Variants in RBFOX3 observed in about 807,000 individuals in gnomAD.
The protein encoded by RBFOX3 is RNA binding protein fox-1 homolog 3.
A neutral mutation model predicts 48.7 loss-of-function variants in RBFOX3; 17 were observed. The observed-to-expected ratio is 0.35, with a 90% CI of 0.24 to 0.52. The LOEUF (loss-of-function observed/expected upper bound fraction) is 0.52. Among genes scored for constraint, RBFOX3 ranks in the 20% least tolerant of loss-of-function variants. The pLI is 0.94. For missense variants in RBFOX3, 382 were observed against 497.5 expected, an observed-to-expected ratio of 0.77 and a Z score of 2.21; for synonymous variants, 212 against 209.5, an observed-to-expected ratio of 1.01 and a Z score of -0.10.
At chr17:79,117,344 T>TG (rs1265609657) in intron 4 of RBFOX3, among the ~76,000 whole-genome samples, 7 of 152,166 alleles carry the variant, frequency 4.6e-5, no homozygotes, top group Non-Finnish European at 7.4e-5. Context: ...GGCTTTGCGG[T>TG]GGGGAGGAGG....
At chr17:79,620,171 A>G in the RBFOX3 span, among the ~76,000 whole-genome samples, 1 of 139,988 alleles carries the variant, frequency 7.1e-6, no homozygotes, top group African/African-American at 2.5e-5. Context: ...ACATGCACAC[A>G]CATGCACACA....
chr17:79,468,976 ATGGATGG>A (rs2076708688), intron 2 of RBFOX3, among the ~76,000 whole-genome samples: 1 of 150,788 alleles, frequency 6.6e-6, no homozygotes, highest in Admixed American at 6.6e-5. Flanking sequence ...GGATGGATGG[ATGGATGG>A]ATGGATAGCA....
At chr17:79,413,991 C>T (rs2064901185) in intron 2 of RBFOX3, among the ~76,000 whole-genome samples, 1 of 151,850 alleles carries the variant, frequency 6.6e-6, no homozygotes. Context: ...GTCTCAGGGG[C>T]AGCAGGGGCA....
At chr17:79,267,332 A>G (rs1054732340) in intron 3 of RBFOX3, among the ~76,000 whole-genome samples, 2 of 151,938 alleles carry the variant, frequency 1.3e-5, no homozygotes, top group African/African-American at 4.8e-5. Flanking sequence ...GATGATCTCC[A>G]AGTTCTGTCC....
At chr17:79,143,331 C>T (rs1161144490) in intron 4 of RBFOX3, among the ~76,000 whole-genome samples, 1 of 123,692 alleles carries the variant, frequency 8.1e-6, no homozygotes, top group Admixed American at 1.0e-4. Flanking sequence ...CCTGGATATT[C>T]TGGGGACAGT....
At chr17:79,496,268 A>G (rs2081524427) in intron 1 of RBFOX3, among the ~76,000 whole-genome samples, 1 of 151,958 alleles carries the variant, frequency 6.6e-6, no homozygotes, top group Non-Finnish European at 1.5e-5. Flanking sequence ...TGTTACAGCA[A>G]CAGGAATGAC....
At chr17:79,095,186 G>A (rs1397508049) in intron 13 of RBFOX3, among the ~76,000 whole-genome samples, 1 of 151,882 alleles carries the variant, frequency 6.6e-6, no homozygotes, top group Non-Finnish European at 1.5e-5. Context: ...GGTTGCTCCA[G>A]GAGGAAGCAC....
intron 2 of RBFOX3, among the ~76,000 whole-genome samples, chr17:79,460,789 G>A (rs117676604): frequency 2.0e-5 from 3 of 152,298 alleles, no homozygotes; most frequent in East Asian, 1.9e-4. Context: ...ACTTTCCACC[G>A]TGGGAGGATG....
In RBFOX3 at chr17:79,473,913, A is replaced by G. The variant is rs1281176335; in HGVS notation, c.-175+8541T>C. Among the ~76,000 whole-genome samples the G allele has an allele frequency of 1.3e-5, 2 of 152,176 alleles. No homozygotes were observed. Among genetic ancestry groups the G allele is most frequent in the African/African-American group, 4.8e-5 (2 of 41,434 alleles). ...ACTTCTAAATTAATTTTCCTTCCTC[A>G]GGCATTTGCTGACGCTCCTTTTCTG... is the stretch of plus-strand genomic sequence containing the variant. On this transcript the variant is annotated intron_variant, in intron 2 of 14. Coordinates refer to ENST00000693108, the MANE Select transcript of RBFOX3 (RefSeq NM_001350451.2). This position sits in a 1 kb window ranked among gnomAD's most constrained non-coding sequence, Gnocchi z 4.2.
chr17:79,657,950 G>A, the RBFOX3 span, among the ~76,000 whole-genome samples: 2 of 152,158 alleles, frequency 1.3e-5, no homozygotes, highest in Non-Finnish European at 2.9e-5. Context: ...GGCATCTTCA[G>A]GACAGAGTCC....
intron 3 of RBFOX3, among the ~76,000 whole-genome samples, chr17:79,268,501 C>T (rs1027156606): frequency 5.9e-5 from 9 of 152,136 alleles, no homozygotes; most frequent in African/African-American, 1.4e-4. Context: ...CGGGTGGGGA[C>T]GTCTCTTCTG....
rs527849192 is a variant in RBFOX3, at chr17:79,247,826, A to G, written c.-73-12021T>C. On this transcript the variant is annotated intron_variant, in intron 3 of 14. Transcript: ENST00000693108. ...CTGAGTCAAGCTGGGATGGTTGGTA[A>G]ACCTCCCATGGGTTACTCAACATCG... 7.2e-5 allele frequency among the ~76,000 whole-genome samples: 11 copies of G among 152,272 alleles called. No homozygotes were observed. The South Asian group carries it at 2.3e-3, about 32-fold the overall frequency.
At chr17:79,315,313 C>T (rs2077385380) in intron 2 of RBFOX3, among the ~76,000 whole-genome samples, 1 of 152,236 alleles carries the variant, frequency 6.6e-6, no homozygotes. Context: ...CTGCATCCTT[C>T]TCTCTGGGGA....
intron 1 of RBFOX3, among the ~76,000 whole-genome samples, chr17:79,579,341 A>G (rs1568429359): frequency 6.6e-6 from 1 of 152,258 alleles, no homozygotes; most frequent in Non-Finnish European, 1.5e-5. Context: ...AAAAGCCCAC[A>G]TGGGAGGCAA....
intron 1 of RBFOX3, among the ~76,000 whole-genome samples, chr17:79,566,047 C>T (rs1429383988): frequency 6.6e-6 from 1 of 152,202 alleles, no homozygotes; most frequent in South Asian, 2.1e-4. Context: ...ACGAAGCACT[C>T]TCACCAATCC....
At chr17:79,388,226 G>T (rs1337559019) in intron 2 of RBFOX3, among the ~76,000 whole-genome samples, 2 of 152,218 alleles carry the variant, frequency 1.3e-5, no homozygotes, top group Non-Finnish European at 2.9e-5. Flanking sequence ...TGCTCCATGG[G>T]CTGTGACTGG....
chr17:79,375,405 C>A (rs1334325996), intron 2 of RBFOX3, among the ~76,000 whole-genome samples: 1 of 110,294 alleles, frequency 9.1e-6, no homozygotes, highest in Non-Finnish European at 2.1e-5. Flanking sequence ...ACACACGAAG[C>A]TCTTCAGTGC....
At chr17:79,179,350 G>A (rs752017090) in intron 4 of RBFOX3, among the ~76,000 whole-genome samples, 28 of 152,322 alleles carry the variant, frequency 1.8e-4, no homozygotes, top group Non-Finnish European at 3.2e-4. Flanking sequence ...CCGTGAAGCC[G>A]CTCGGAAACG....
chr17:79,429,125 G>T (rs1321960196), intron 2 of RBFOX3, among the ~76,000 whole-genome samples: 1 of 152,204 alleles, frequency 6.6e-6, no homozygotes, highest in Non-Finnish European at 1.5e-5. Flanking sequence ...CACGTGCTGT[G>T]CACACGTGTG....
Sources: gnomAD v4.1 joint callset for allele counts (sites outside exome capture counted in the v4.1 genomes callset) on GRCh38, gnomAD v4.1.1 for gene constraint, Gnocchi (gnomAD v3.1) non-coding constraint, MANE v1.5 for transcripts, NCBI Gene and HGNC (gene_info 2026-07-23, HGNC 2026-07-21) for gene names.